The following PCM1 variants were observed in gnomAD, a reference collection of about 807,000 sequenced individuals.
PCM1 encodes the protein pericentriolar material 1.
A neutral mutation model predicts 241.9 loss-of-function variants in PCM1; 157 were observed. The ratio of observed to expected loss-of-function variants is 0.65; its 90% CI spans 0.57 to 0.74. The LOEUF (loss-of-function observed/expected upper bound fraction) is 0.74. PCM1 is among the 30% of genes least tolerant of loss of function. The pLI is 0.00. For synonymous variants in PCM1, 1,085 were observed against 784.9 expected (o/e 1.38, Z -6.39); for missense variants, 3,478 against 2,360.1 (o/e 1.47, Z -9.81).
chr8:17,992,967 A>C, intron 28 of PCM1, among the ~76,000 whole-genome samples: 1 of 105,516 alleles, frequency 9.5e-6, no homozygotes, highest in Admixed American at 1.0e-4. Context: ...GATTTGTTTG[A>C]GTTCTTTGTA....
At chr8:17,949,967 T>C (rs1241525925) in intron 7 of PCM1, among the ~76,000 whole-genome samples, 1 of 152,174 alleles carries the variant, frequency 6.6e-6, no homozygotes, top group Non-Finnish European at 1.5e-5. Flanking sequence ...GTATGACTTG[T>C]ATCACAAACA....
At chr8:17,931,308 T>A (rs1377212973) in intron 2 of PCM1, among the ~76,000 whole-genome samples, 1 of 152,012 alleles carries the variant, frequency 6.6e-6, no homozygotes, top group African/African-American at 2.4e-5. Flanking sequence ...TTTTTTTTTT[T>A]GAGATGGAGT....
chr8:18,001,088 C>T (rs1420766806), intron 29 of PCM1, among the ~76,000 whole-genome samples: 1 of 152,170 alleles, frequency 6.6e-6, no homozygotes, highest in Non-Finnish European at 1.5e-5. Flanking sequence ...AGGGGCCTTG[C>T]AACTGTGATG....
chr8:17,935,552 A>C, intron 2 of PCM1, 37 bp from the exon 3 acceptor site: 1 of 706,930 alleles, frequency 1.4e-6, no homozygotes, highest in South Asian at 1.7e-5. Flanking sequence ...ATTTGTTTTT[A>C]TGTGTTATAA....
intron 29 of PCM1, among the ~76,000 whole-genome samples, chr8:17,995,783 T>C (rs2086483738): frequency 6.6e-6 from 1 of 152,092 alleles, no homozygotes; most frequent in Non-Finnish European, 1.5e-5. Context: ...TTTCACTTAT[T>C]TGGTTAATTC....
chr8:18,000,398 G>A (rs1259775393), intron 29 of PCM1, among the ~76,000 whole-genome samples: 1 of 152,126 alleles, frequency 6.6e-6, no homozygotes, highest in East Asian at 1.9e-4. Context: ...TTAGAAAATT[G>A]ATTATAAGGG....
chr8:17,946,496 CCTTTTTT>C (rs924283052), intron 6 of PCM1, among the ~76,000 whole-genome samples: 6 of 146,454 alleles, frequency 4.1e-5, no homozygotes, highest in Non-Finnish European at 9.1e-5. Context: ...TTTTTTTTTT[CCTTTTTT>C]CTTTTTTCTT....
chr8:17,955,049 T>G (rs180775351), intron 9 of PCM1, among the ~76,000 whole-genome samples: 17 of 152,240 alleles, frequency 1.1e-4, no homozygotes, highest in African/African-American at 2.4e-4. Context: ...GATTACAGAT[T>G]GAGTACTGCA....
intron 23 of PCM1, among the ~76,000 whole-genome samples, chr8:17,979,698 C>T (rs2080035082): frequency 6.6e-6 from 1 of 152,042 alleles, no homozygotes; most frequent in Non-Finnish European, 1.5e-5. Flanking sequence ...GATGGAAATG[C>T]ATAAGATTAT....
chr8:17,963,434 A>T, intron 17 of PCM1, 143 bp downstream of exon 17: 1 of 568,614 alleles, frequency 1.8e-6, no homozygotes, highest in Non-Finnish European at 3.0e-6. Context: ...CACCTTTGTG[A>T]CCCAGTTTAA....
At chr8:17,935,429 C>G (rs143421073) in intron 2 of PCM1, among the ~76,000 whole-genome samples, 160 bp from the exon 3 acceptor site, 1 of 152,286 alleles carries the variant, frequency 6.6e-6, no homozygotes, top group East Asian at 1.9e-4. Flanking sequence ...ATATGCCTGT[C>G]ACAGCTAAAT....
intron 29 of PCM1, among the ~76,000 whole-genome samples, chr8:17,996,003 T>C (rs2086578859): frequency 6.6e-6 from 1 of 152,188 alleles, no homozygotes. Flanking sequence ...TGATTCTTCC[T>C]TTCCAGTTTG....
chr8:17,945,317 C>G (rs192748637), intron 6 of PCM1, among the ~76,000 whole-genome samples: 73 of 152,108 alleles, frequency 4.8e-4, no homozygotes, highest in Middle Eastern at 3.4e-3. Flanking sequence ...ACTGAGTAAA[C>G]AGTACTTAAT....
chr8:17,993,625 C>G lies in PCM1; in HGVS notation c.4827+6C>G. The G allele has an allele frequency of 6.4e-7, 1 of 1,563,346 alleles. No homozygotes were observed. ...AAGTCATTCCTTTTTTGAAGGTAAG[C>G]AATTATTTTAAAAAATAAACGAAAC... On this transcript the variant is annotated splice_donor_region_variant and intron_variant, in intron 29 of 38. Transcript: ENST00000325083.
At position 17,967,076 on chromosome 8, in the gene PCM1, T is replaced by C. The variant is rs748683969; in HGVS notation, c.3318T>C (p.Pro1106=). Residue 1106 remains proline (P), a synonymous_variant, in exon 21 of 39, where the codon CCT becomes CCC. Coordinates refer to ENST00000325083, the MANE Select transcript of PCM1 (RefSeq NM_006197.4). ...KERGSSASHP[P]SPSLFCPFSF... ...GAGGCAGTAGTGCATCGCACCCTCCTTCTCCCAGTTTATTTTGTCCTTTCA... is the reference window on the plus strand; with the variant it reads ...GAGGCAGTAGTGCATCGCACCCTCCCTCTCCCAGTTTATTTTGTCCTTTCA... The C allele has an allele frequency of 6.2e-7, 1 of 1,609,002 alleles. No homozygotes were observed.
At position 18,006,352 on chromosome 8, in the gene PCM1, A is replaced by C; in HGVS notation, c.4917A>C (p.Lys1639Asn). 6.2e-7 allele frequency: 1 copy of C among 1,613,180 alleles called. No homozygotes were observed. The highest frequency in any genetic ancestry group is 8.5e-7 in the Non-Finnish European group (1 of 1,179,250). Residue 1639 changes from lysine to asparagine, a missense_variant, in exon 30 of 39, where the codon AAA (lysine) becomes AAC (asparagine). Physicochemically the swap from Lys to Asn is moderately conservative, Grantham distance 94. Coordinates refer to ENST00000325083, the MANE Select transcript of PCM1 (RefSeq NM_006197.4). The part of the protein sequence containing the change: ...LTLTQQNDES[K>N]EFVKFFHKQL... ...TTACCCAGCAAAATGATGAGAGCAA[A>C]GAGTTTGTAAAGTTCTTTCATAAAC... is the stretch of plus-strand genomic sequence containing the variant.
chr8:17,962,022 A>C lies in PCM1; in HGVS notation c.2323-12A>C, dbSNP rs780547018. On this transcript the variant is annotated splice_polypyrimidine_tract_variant and intron_variant, in intron 15 of 38. Coordinates refer to ENST00000325083, the MANE Select transcript of PCM1 (RefSeq NM_006197.4). ...TAATTCCTCATAACGTTTTTTGTGA[A>C]TTCCTTTTTAGCTGTCAGCTGCTAG... 9 of 1,597,466 alleles carry C rather than the reference A, an allele frequency of 5.6e-6. No homozygotes were observed. The highest frequency in any genetic ancestry group is 5.3e-5 in the Admixed American group (3 of 56,882).
intron 7 of PCM1, among the ~76,000 whole-genome samples, chr8:17,948,318 T>A (rs1217764414): frequency 6.9e-6 from 1 of 145,632 alleles, no homozygotes; most frequent in African/African-American, 2.6e-5. Flanking sequence ...TTTTTTTTTT[T>A]TTTGGAGACA....
intron 24 of PCM1, among the ~76,000 whole-genome samples, chr8:17,985,208 G>A (rs142361431): frequency 0.022 from 3,278 of 151,734 alleles, 33 homozygotes; most frequent in South Asian, 0.034. Context: ...TCTTAGTAAT[G>A]CTAGGTAATG....
Sources: allele counts gnomAD v4.1 joint callset (sites outside exome capture counted in the v4.1 genomes callset), GRCh38; gene constraint gnomAD v4.1.1; transcripts MANE v1.5; gene names NCBI Gene and HGNC (gene_info 2026-07-23, HGNC 2026-07-21).